The following DHRS2 variants were observed in gnomAD, a reference collection of about 807,000 sequenced individuals.
DHRS2 encodes the protein dehydrogenase/reductase SDR family member 2, mitochondrial.
A neutral mutation model predicts 26.3 loss-of-function variants in DHRS2; 29 were observed. The ratio of observed to expected loss-of-function variants is 1.10; its 90% CI spans 0.82 to 1.50. The LOEUF (loss-of-function observed/expected upper bound fraction) is 1.50, where lower values mean the gene tolerates loss of function less well. DHRS2 is among the 40% of genes most tolerant of loss of function. DHRS2 has a pLI of 0.00. For synonymous variants in DHRS2, 164 were observed against 151.3 expected, an observed-to-expected ratio of 1.08 and a Z score of -0.62; for missense variants, 439 against 367.1, an observed-to-expected ratio of 1.20 and a Z score of -1.60.
At chr14:23,644,966 T>A in intron 8 of DHRS2, 84 bp downstream of exon 8, 1 of 1,566,378 alleles carries the variant, frequency 6.4e-7, no homozygotes, top group Non-Finnish European at 8.8e-7. Flanking sequence ...CCCCTCCCTG[T>A]CATCTGGCCA....
intron 4 of DHRS2, chr14:23,642,101 G>A: frequency 9.5e-7 from 1 of 1,056,928 alleles, no homozygotes; most frequent in Non-Finnish European, 1.1e-6. Flanking sequence ...TCAGACTTTA[G>A]TCACAAGCAG....
intron 1 of DHRS2, among the ~76,000 whole-genome samples, chr14:23,637,195 C>A (rs1184153975): frequency 6.6e-6 from 1 of 152,208 alleles, no homozygotes; most frequent in South Asian, 2.1e-4. Flanking sequence ...TCTCTCCTCT[C>A]TTCTCCTAGG....
chr14:23,631,051 C>G (rs180734400), intron 1 of DHRS2, among the ~76,000 whole-genome samples: 77 of 152,210 alleles, frequency 5.1e-4, no homozygotes, highest in Non-Finnish European at 5.9e-4. Flanking sequence ...TCTCTTGGAT[C>G]AGGAAAAGAC....
rs1466134873 is a variant in DHRS2 at position 23,638,820 on chromosome 14, C to T, written c.-38-7C>T. On this transcript the variant is annotated splice_region_variant and splice_polypyrimidine_tract_variant and intron_variant, in intron 1 of 8. Coordinates refer to ENST00000250383, the MANE Select transcript of DHRS2 (RefSeq NM_005794.4). ...CAGTGATAAGTGAAATTGATTCTTT[C>T]CCCCAGGCCTGATTCAGCAGGAAGC... The T allele has an allele frequency of 1.3e-6, 2 of 1,591,626 alleles. No homozygotes were observed. Among genetic ancestry groups the T allele is most frequent in the South Asian group, 2.3e-5 (2 of 88,304 alleles).
chr14:23,643,114 G>C (rs1484408459), intron 4 of DHRS2, 38 bp from the exon 5 acceptor site: 1 of 1,608,198 alleles, frequency 6.2e-7, no homozygotes, highest in East Asian at 2.2e-5. Flanking sequence ...GGCTGACCAT[G>C]TCTCTCTGCC....
intron 8 of DHRS2, 124 bp downstream of exon 8, chr14:23,645,006 G>A: frequency 7.7e-6 from 12 of 1,553,078 alleles, no homozygotes; most frequent in Non-Finnish European, 1.1e-5. Flanking sequence ...GAGTCCACAT[G>A]GCCCTGGAGG....
intron 4 of DHRS2, chr14:23,640,098 C>A: frequency 1.4e-6 from 1 of 693,248 alleles, no homozygotes; most frequent in Non-Finnish European, 2.0e-6. Context: ...TAAATCTGGC[C>A]CCCACACTTT....
chr14:23,642,007 A>T, intron 4 of DHRS2: 1 of 1,113,960 alleles, frequency 9.0e-7, no homozygotes, highest in Non-Finnish European at 1.1e-6. Flanking sequence ...TTTCCTTGCT[A>T]CTTCCTCTTT....
At chr14:23,639,490 C>T (rs998872575) in intron 3 of DHRS2, 134 bp downstream of exon 3, 32 of 1,303,222 alleles carry the variant, frequency 2.5e-5, no homozygotes, top group African/African-American at 1.5e-4. Flanking sequence ...AAGCTAACCT[C>T]GCTACCCAGA....
chr14:23,645,040 A>G, intron 8 of DHRS2, 102 bp from the exon 9 acceptor site: 1 of 1,588,240 alleles, frequency 6.3e-7, no homozygotes, highest in East Asian at 2.2e-5. Flanking sequence ...TGCTGCATCC[A>G]CCTTGTTCCC....
chr14:23,633,017 A>G (rs1890163989), upstream of DHRS2, among the ~76,000 whole-genome samples: 1 of 152,244 alleles, frequency 6.6e-6, no homozygotes, highest in South Asian at 2.1e-4. Flanking sequence ...TGGCAGGCCA[A>G]TGGGAATCCC....
chr14:23,639,054 G>C (rs759810128), intron 2 of DHRS2, 50 bp downstream of exon 2: 1 of 1,601,170 alleles, frequency 6.2e-7, no homozygotes, highest in East Asian at 2.2e-5. Flanking sequence ...GGTCCTTGTG[G>C]CTTCCACAAG....
rs747090935 is a variant in DHRS2, at chr14:23,644,163, G to T, written c.540+1G>T. 6.2e-7 allele frequency: 1 copy of T among 1,614,158 alleles called. No homozygotes were observed. The highest frequency in any genetic ancestry group is 8.5e-7 in the Non-Finnish European group (1 of 1,180,016). ...CATTGCAGCTTATAATCCAGTAGTG[G>T]TAAGTGCTTGGTCCTTGTGCTCCTG... On this transcript the variant is annotated splice_donor_variant, in intron 6 of 8. Coordinates refer to ENST00000250383, the MANE Select transcript of DHRS2 (RefSeq NM_005794.4). LOFTEE classifies it high-confidence loss of function.
intron 4 of DHRS2, chr14:23,641,364 TCTCCAGCGA>T: frequency 3.9e-6 from 1 of 253,310 alleles, no homozygotes. Context: ...CCTCCATCCT[TCTCCAGCGA>T]CTCCAGCGTG....
chr14:23,642,026 C>T (rs1890692398), intron 4 of DHRS2: 3 of 1,109,220 alleles, frequency 2.7e-6, no homozygotes, highest in Non-Finnish European at 3.3e-6. Flanking sequence ...TTCACTTCTC[C>T]CCCGTTCCCA....
At chr14:23,642,122 G>A (rs958763347) in intron 4 of DHRS2, 2 of 1,044,172 alleles carry the variant, frequency 1.9e-6, no homozygotes, top group African/African-American at 1.7e-5. Context: ...GATCAGCATA[G>A]ACATCTAGCT....
At chr14:23,643,127 C>T (rs1474852111) in intron 4 of DHRS2, 25 bp from the exon 5 acceptor site, 2 of 1,613,068 alleles carry the variant, frequency 1.2e-6, no homozygotes, top group African/African-American at 2.7e-5. Flanking sequence ...TCTCTGCCCT[C>T]ACCCATGCTC....
intron 3 of DHRS2, 125 bp downstream of exon 3, chr14:23,639,481 A>G: frequency 7.4e-7 from 1 of 1,348,396 alleles, no homozygotes; most frequent in Non-Finnish European, 9.8e-7. Context: ...AGGCTGCCCA[A>G]GCTAACCTCG....
At chr14:23,638,751 G>T (rs1446164662) in intron 1 of DHRS2, 76 bp from the exon 2 acceptor site, 2 of 1,441,896 alleles carry the variant, frequency 1.4e-6, no homozygotes, top group Admixed American at 4.2e-5. Context: ...TTGTCTGTCT[G>T]GAGGAAGGAG....
Sources: gnomAD v4.1 joint callset for allele counts (sites outside exome capture counted in the v4.1 genomes callset) on GRCh38, gnomAD v4.1.1 for gene constraint, MANE v1.5 for transcripts, NCBI Gene and HGNC (gene_info 2026-07-23, HGNC 2026-07-21) for gene names.